ADAMTS6: variants seen among roughly 807,000 people sequenced by gnomAD.
ADAMTS6 encodes the protein A disintegrin and metalloproteinase with thrombospondin motifs 6.
Under a neutral mutation model 144.3 loss-of-function variants are expected in ADAMTS6, and 23 were observed. The observed-to-expected ratio is 0.16, with a 90% CI of 0.11 to 0.23. The LOEUF (loss-of-function observed/expected upper bound fraction) is 0.23, where lower values mean the gene tolerates loss of function less well. Ranked by LOEUF, ADAMTS6 falls within the 10% of genes least tolerant of loss-of-function variation. The probability of loss-of-function intolerance (pLI) is 1.00; values close to 1 mark genes in which losing one functional copy is unlikely to be tolerated. For synonymous variants in ADAMTS6, 444 were observed against 457.5 expected, an observed-to-expected ratio of 0.97 and a Z score of 0.38; for missense variants, 999 against 1,379.6, an observed-to-expected ratio of 0.72 and a Z score of 4.37.
At chr5:65,329,680 A>T (rs902141464) in intron 8 of ADAMTS6, among the ~76,000 whole-genome samples, 197 bp from the exon 9 acceptor site, 3 of 152,136 alleles carry the variant, frequency 2.0e-5, no homozygotes, top group Non-Finnish European at 4.4e-5. Context: ...ATATTTTTTG[A>T]ACTGCAGTCA....
At chr5:65,416,831 GA>G (rs748068687) in intron 7 of ADAMTS6, among the ~76,000 whole-genome samples, 2 of 151,064 alleles carry the variant, frequency 1.3e-5, no homozygotes, top group Non-Finnish European at 2.9e-5. Flanking sequence ...CAATTCTACT[GA>G]AATTATTCCA....
intron 12 of ADAMTS6, among the ~76,000 whole-genome samples, chr5:65,266,622 CT>C (rs1450615388): frequency 6.6e-6 from 1 of 151,850 alleles, no homozygotes; most frequent in Non-Finnish European, 1.5e-5. Flanking sequence ...TCTTTCTTCT[CT>C]TTTGTTTCCT....
At chr5:65,315,797 GA>G (rs528086665) in intron 9 of ADAMTS6, among the ~76,000 whole-genome samples, 28 of 151,738 alleles carry the variant, frequency 1.8e-4, no homozygotes, top group African/African-American at 6.0e-4. Context: ...CTAAGAAGAA[GA>G]AAAAAAATTC....
intron 14 of ADAMTS6, among the ~76,000 whole-genome samples, chr5:65,248,266 CT>C (rs914085859): frequency 1.3e-5 from 2 of 152,080 alleles, no homozygotes; most frequent in Non-Finnish European, 2.9e-5. Flanking sequence ...ACTTTCTTCT[CT>C]TTTTTCTCCC....
chr5:65,381,529 A>ATTTG (rs1752040388), intron 7 of ADAMTS6, among the ~76,000 whole-genome samples: 1 of 103,086 alleles, frequency 9.7e-6, no homozygotes, highest in African/African-American at 3.7e-5. Context: ...TGCCTGGCTA[A>ATTTG]TTTTTTTTTT....
chr5:65,454,347 C>G (rs1390725347), intron 4 of ADAMTS6, among the ~76,000 whole-genome samples: 1 of 152,092 alleles, frequency 6.6e-6, no homozygotes, highest in Non-Finnish European at 1.5e-5. Context: ...ATCATGAGAC[C>G]CATCAGTTAA....
rs919919617 is a variant in ADAMTS6, at chr5:65,149,561, C to T, written c.*2275G>A. The T allele has an allele frequency of 6.6e-6, 1 of 152,510 alleles. No homozygotes were observed. The allele number at this position is 152,510 out of a possible 1,614,324, so 9.4% of individuals were successfully genotyped here. ...CATCAGCCAAGGTGCTGTGCAGTGC[C>T]TGGGGGATGGCCCTCACAATGGTAG... On this transcript the variant is annotated 3_prime_UTR_variant, in exon 25 of 25. Transcript: ENST00000381055.
intron 3 of ADAMTS6, among the ~76,000 whole-genome samples, chr5:65,467,084 G>A (rs1193194902): frequency 6.6e-6 from 1 of 150,528 alleles, no homozygotes; most frequent in East Asian, 1.9e-4. Context: ...AAGAAAAAGA[G>A]AAAGAACTTT....
intron 2 of ADAMTS6, among the ~76,000 whole-genome samples, chr5:65,471,877 T>C (rs952811939): frequency 3.9e-5 from 6 of 152,192 alleles, no homozygotes; most frequent in Admixed American, 6.5e-5. Context: ...GAGTTAACCA[T>C]ATGATCCAGC....
chr5:65,255,899 T>C (rs895398622), intron 14 of ADAMTS6, among the ~76,000 whole-genome samples: 10 of 152,318 alleles, frequency 6.6e-5, no homozygotes, highest in African/African-American at 2.4e-4. Context: ...AGTCAGGGTC[T>C]CACTGTCACC....
chr5:65,299,568 T>G (rs944058853), intron 10 of ADAMTS6, among the ~76,000 whole-genome samples: 3 of 151,378 alleles, frequency 2.0e-5, no homozygotes, highest in Admixed American at 1.3e-4. Context: ...TGGTGTTTGG[T>G]TTTTTTTTGT....
At chr5:65,244,017 C>T (rs1759429225) in intron 14 of ADAMTS6, among the ~76,000 whole-genome samples, 1 of 152,050 alleles carries the variant, frequency 6.6e-6, no homozygotes, top group South Asian at 2.1e-4. Context: ...CAGCATGTTA[C>T]AGATTGTCTA....
chr5:65,184,906 A>C (rs1400674525), intron 22 of ADAMTS6, among the ~76,000 whole-genome samples: 1 of 152,152 alleles, frequency 6.6e-6, no homozygotes, highest in East Asian at 1.9e-4. Flanking sequence ...AGAAAAGGAA[A>C]GGGTCAAAGG....
At chr5:65,210,547 A>T (rs910885775) in intron 20 of ADAMTS6, 2 of 494,832 alleles carry the variant, frequency 4.0e-6, no homozygotes, top group Non-Finnish European at 7.3e-6. Flanking sequence ...AGGTGTCTTT[A>T]TCTGCTATCT....
chr5:65,153,142 AG>A (rs1216844962), intron 24 of ADAMTS6, among the ~76,000 whole-genome samples: 1 of 152,224 alleles, frequency 6.6e-6, no homozygotes, highest in Non-Finnish European at 1.5e-5. Flanking sequence ...AAAAGTTCCC[AG>A]TTCTTATTAT....
At chr5:65,363,631 T>C (rs932082035) in intron 7 of ADAMTS6, among the ~76,000 whole-genome samples, 1 of 152,204 alleles carries the variant, frequency 6.6e-6, no homozygotes, top group Non-Finnish European at 1.5e-5. Context: ...TTAAGCTTAC[T>C]CCTTTCATCA....
At chr5:65,303,640 C>T (rs1743649310) in intron 9 of ADAMTS6, among the ~76,000 whole-genome samples, 3 of 151,518 alleles carry the variant, frequency 2.0e-5, no homozygotes, top group Admixed American at 6.6e-5. Context: ...TTTAAAAATA[C>T]TCTTAAGCAT....
chr5:65,276,129 C>G (rs932992488), intron 11 of ADAMTS6, among the ~76,000 whole-genome samples: 1 of 152,146 alleles, frequency 6.6e-6, no homozygotes, highest in Admixed American at 6.5e-5. Context: ...AATCTCTACC[C>G]AAAGTAGCAG....
Position 65,214,669 on chromosome 5 carries a change from A to T in ADAMTS6, c.2575+125T>A. The T allele has an allele frequency of 7.1e-7, 1 of 1,399,806 alleles. No individual in the cohort carries two copies. The highest frequency in any genetic ancestry group is 1.0e-6 in the Non-Finnish European group (1 of 1,003,590). The allele number at this position is 1,399,806 out of a possible 1,614,324, so 86.7% of individuals were successfully genotyped here. A position where few individuals can be genotyped will look rare whatever the true frequency, so the allele number is the denominator to read the frequency against. On this transcript the variant is annotated intron_variant, in intron 20 of 24. Transcript: ENST00000381055. This position sits in a 1 kb window ranked among gnomAD's most constrained non-coding sequence, Gnocchi z 4.6. ...AAAGCAAAGTTTCTTTTGCTAAATT[A>T]CAGCTTGAAGCAAACCTGCAAGAAA...
Sources: allele counts gnomAD v4.1 joint callset (sites outside exome capture counted in the v4.1 genomes callset), GRCh38; gene constraint gnomAD v4.1.1; non-coding constraint Gnocchi (gnomAD v3.1); transcripts MANE v1.5; gene names NCBI Gene and HGNC (gene_info 2026-07-23, HGNC 2026-07-21).